CACNA2D3: variants seen among roughly 807,000 people sequenced by gnomAD.
CACNA2D3 encodes the protein voltage-dependent calcium channel subunit alpha-2/delta-3.
Under a neutral mutation model 160.6 loss-of-function variants are expected in CACNA2D3, and 60 were observed. The ratio of observed to expected loss-of-function variants is 0.37; its 90% confidence interval spans 0.30 to 0.46. The LOEUF (loss-of-function observed/expected upper bound fraction) is 0.46. CACNA2D3 is among the 20% of genes least tolerant of loss of function. The pLI is 1.00. For missense variants in CACNA2D3, 1,205 were observed against 1,365.0 expected (o/e 0.88, Z 1.85); for synonymous variants, 558 against 492.9 (o/e 1.13, Z -1.75).
At chr3:54,909,682 T>C (rs529885184) in intron 27 of CACNA2D3, among the ~76,000 whole-genome samples, 22 of 150,856 alleles carry the variant, frequency 1.5e-4, no homozygotes, top group Admixed American at 9.2e-4. Flanking sequence ...CAGCTATCAT[T>C]AGTGTTAATA....
intron 17 of CACNA2D3, among the ~76,000 whole-genome samples, chr3:54,871,090 A>ACC (rs1304752846): frequency 8.9e-6 from 1 of 112,776 alleles, no homozygotes; most frequent in African/African-American, 3.0e-5. Flanking sequence ...ACACACACAC[A>ACC]CACCATTCAA....
chr3:54,566,921 T>G (rs1262462227), intron 6 of CACNA2D3, among the ~76,000 whole-genome samples: 1 of 152,218 alleles, frequency 6.6e-6, no homozygotes, highest in Non-Finnish European at 1.5e-5. Flanking sequence ...GTTCAGGTTC[T>G]GTGCACAGCA....
intron 3 of CACNA2D3, among the ~76,000 whole-genome samples, chr3:54,377,408 T>C (rs913646432): frequency 1.3e-5 from 2 of 152,200 alleles, no homozygotes; most frequent in African/African-American, 4.8e-5. Flanking sequence ...TTCCAAGTTC[T>C]CCCTATATGA....
intron 35 of CACNA2D3, among the ~76,000 whole-genome samples, chr3:55,070,849 G>A (rs1045432533): frequency 6.6e-6 from 1 of 151,978 alleles, no homozygotes; most frequent in Non-Finnish European, 1.5e-5. Context: ...ATTTCTAATT[G>A]GACTCTACCA....
intron 11 of CACNA2D3, among the ~76,000 whole-genome samples, chr3:54,681,822 G>A (rs1700356914): frequency 6.6e-6 from 1 of 152,024 alleles, no homozygotes; most frequent in Admixed American, 6.6e-5. Context: ...GAGATTGCAG[G>A]CAGGCATGCA....
chr3:54,165,114 ATTT>A (rs397961895), intron 2 of CACNA2D3, among the ~76,000 whole-genome samples: 8,118 of 117,772 alleles, frequency 0.069, 607 homozygotes, highest in African/African-American at 0.23. Flanking sequence ...TCTGAATCTC[ATTT>A]TTTTTTTTTT....
chr3:54,262,348 C>T (rs1214365351), intron 2 of CACNA2D3, among the ~76,000 whole-genome samples: 2 of 152,064 alleles, frequency 1.3e-5, no homozygotes, highest in African/African-American at 2.4e-5. Context: ...ACAGAGAGTT[C>T]CCCGAAGTGG....
chr3:54,413,002 G>A lies in CACNA2D3; in HGVS notation c.381+26228G>A, dbSNP rs149062229. On this transcript the variant is annotated intron_variant, in intron 4 of 37. Coordinates refer to ENST00000474759, the MANE Select transcript of CACNA2D3 (RefSeq NM_018398.3). The stretch of plus-strand genomic sequence containing the variant: ...GACACTCTTCATTCCTTCATATAGA[G>A]TTGAGTTTCCATTTGTTATTTCTCT... Among the ~76,000 whole-genome samples the A allele has an allele frequency of 2.4e-3, 369 of 151,810 alleles. 1 individual carries two copies. The highest frequency in any genetic ancestry group is 8.6e-3 in the African/African-American group (355 of 41,470).
intron 3 of CACNA2D3, among the ~76,000 whole-genome samples, chr3:54,372,550 G>T (rs1328554011): frequency 4.6e-5 from 7 of 152,152 alleles, no homozygotes; most frequent in African/African-American, 1.4e-4. Flanking sequence ...GTTTACTTCT[G>T]TGTAAAATGG....
At chr3:54,738,952 C>G (rs1161061410) in intron 11 of CACNA2D3, among the ~76,000 whole-genome samples, 1 of 152,106 alleles carries the variant, frequency 6.6e-6, no homozygotes, top group Non-Finnish European at 1.5e-5. Flanking sequence ...TAAGACCAGC[C>G]TAGGCAATAT....
At chr3:54,561,759 C>A (rs920478633) in intron 5 of CACNA2D3, among the ~76,000 whole-genome samples, 1 of 152,116 alleles carries the variant, frequency 6.6e-6, no homozygotes, top group Non-Finnish European at 1.5e-5. Context: ...TGGAGAACAA[C>A]CTTTGTGTTA....
rs552110030 is a variant in CACNA2D3, at chr3:54,820,136, A to G, written c.1398+3266A>G. On this transcript the variant is annotated intron_variant, in intron 14 of 37. Transcript: ENST00000474759. ...GGCCTACTTTTCACATGAGGTCATG[A>G]GCGCATACGTTGTACCATATGGTGT... Among the ~76,000 whole-genome samples, 4 of 152,256 alleles carry G rather than the reference A, an allele frequency of 2.6e-5. No individual in the cohort carries two copies. In the South Asian group the frequency reaches 8.3e-4, roughly 32 times the overall value.
chr3:54,993,666 A>C (rs1702788975), intron 31 of CACNA2D3, among the ~76,000 whole-genome samples: 2 of 152,054 alleles, frequency 1.3e-5, no homozygotes, highest in South Asian at 4.1e-4. Flanking sequence ...GCTTTTACCA[A>C]CATACTTGTG....
At chr3:54,632,618 G>T (rs1699267315) in intron 10 of CACNA2D3, 1 of 152,202 alleles carries the variant, frequency 6.6e-6, no homozygotes, top group Non-Finnish European at 1.5e-5. Context: ...CTTAAGTTTG[G>T]TTGAAGATGG....
intron 2 of CACNA2D3, among the ~76,000 whole-genome samples, chr3:54,206,227 A>C (rs1219804828): frequency 6.6e-6 from 1 of 152,304 alleles, no homozygotes; most frequent in Non-Finnish European, 1.5e-5. Context: ...ATGTAAAAGT[A>C]AAGAAAGAGT....
chr3:54,612,376 T>C (rs2106790617), intron 9 of CACNA2D3, among the ~76,000 whole-genome samples: 1 of 152,180 alleles, frequency 6.6e-6, no homozygotes, highest in Non-Finnish European at 1.5e-5. Flanking sequence ...CTCATAATCA[T>C]AGTCTACCTG....
At chr3:54,715,272 C>A (rs1701032105) in intron 11 of CACNA2D3, among the ~76,000 whole-genome samples, 1 of 152,204 alleles carries the variant, frequency 6.6e-6, no homozygotes, top group East Asian at 1.9e-4. Flanking sequence ...AAGGATATTA[C>A]AAAGGATACA....
intron 4 of CACNA2D3, among the ~76,000 whole-genome samples, chr3:54,440,644 C>T (rs923767112): frequency 5.9e-5 from 9 of 152,112 alleles, no homozygotes; most frequent in South Asian, 2.1e-4. Context: ...TGCTCCCCTC[C>T]GCCCACAACA....
chr3:54,425,142 C>A (rs1354618550), intron 4 of CACNA2D3, among the ~76,000 whole-genome samples: 2 of 152,136 alleles, frequency 1.3e-5, no homozygotes, highest in East Asian at 3.9e-4. Context: ...CCAGCCTGGC[C>A]AGTGTGGTGA....
Sources: gnomAD v4.1 joint callset for allele counts (sites outside exome capture counted in the v4.1 genomes callset) on GRCh38, gnomAD v4.1.1 for gene constraint, MANE v1.5 for transcripts, NCBI Gene and HGNC (gene_info 2026-07-23, HGNC 2026-07-21) for gene names.